Variants in ERCC2 observed in about 807,000 individuals in gnomAD.
ERCC2 encodes general transcription and DNA repair factor IIH helicase subunit XPD.
Under a neutral mutation model 99.4 loss-of-function variants are expected in ERCC2, and 90 were observed. That is an observed-to-expected ratio of 0.91 (90% confidence interval 0.76 to 1.08). The LOEUF (loss-of-function observed/expected upper bound fraction) is 1.08. Ranked by LOEUF, ERCC2 falls within the 50% of genes least tolerant of loss-of-function variation. The probability of loss-of-function intolerance (pLI) is 0.00; values close to 1 mark genes in which losing one functional copy is unlikely to be tolerated. For missense variants in ERCC2, 993 were observed against 1,038.1 expected (o/e 0.96, Z 0.60); for synonymous variants, 497 against 432.4 (o/e 1.15, Z -1.85).
chr19:45,353,955 A>C (rs1310260338), intron 17 of ERCC2, among the ~76,000 whole-genome samples: 1 of 152,214 alleles, frequency 6.6e-6, no homozygotes, highest in Non-Finnish European at 1.5e-5. Context: ...AGGTGTCTTA[A>C]GTAGGACACA....
intron 1 of ERCC2, 29 bp downstream of exon 1, chr19:45,370,507 G>T: frequency 1.9e-6 from 3 of 1,549,564 alleles, no homozygotes; most frequent in Non-Finnish European, 2.6e-6. Flanking sequence ...GCGCCCGCTA[G>T]CGAGCGCGAC....
chr19:45,357,907 C>A (rs1306012504), intron 12 of ERCC2: 1 of 616,122 alleles, frequency 1.6e-6, no homozygotes, highest in Non-Finnish European at 2.9e-6. Context: ...CGGGCCCACA[C>A]CTGTGCAAAC....
At position 45,364,908 on chromosome 19, in the gene ERCC2, T is replaced by C. The variant is rs1463343405; in HGVS notation, c.524A>G (p.Tyr175Cys). The change falls in exon 7 of 23, where the codon TAC (tyrosine) becomes TGC (cysteine). Residue 175 changes from tyrosine (Y) to cysteine (C), a missense_variant. Tyr to Cys is a radical substitution (Grantham distance 194, BLOSUM62 -2). This residue lies in a region of ERCC2 where 909 missense variants were observed against 930.8 expected (regional missense o/e 0.98). Transcript: ENST00000391945. ...CAGGGCCTTCAGGTCATCCAGGTTGTAGATGCCAGCGGGGAGGGGCACCTC... is the reference window on the plus strand; with the variant it reads ...CAGGGCCTTCAGGTCATCCAGGTTGCAGATGCCAGCGGGGAGGGGCACCTC... ...GREVPLPAGI[Y>C]NLDDLKALGR... 1 of 1,614,020 alleles carries C rather than the reference T, an allele frequency of 6.2e-7. No homozygotes were observed. The highest frequency in any genetic ancestry group is 8.5e-7 in the Non-Finnish European group (1 of 1,180,036).
At chr19:45,352,016 CCTGCTGG>C (rs924001103) in intron 22 of ERCC2, among the ~76,000 whole-genome samples, 186 bp downstream of exon 22, 1 of 152,230 alleles carries the variant, frequency 6.6e-6, no homozygotes, top group Non-Finnish European at 1.5e-5. Flanking sequence ...GCCTGGGCCA[CCTGCTGG>C]CATCTGTGGC....
At chr19:45,359,861 G>T (rs999555570) in intron 12 of ERCC2, among the ~76,000 whole-genome samples, 1 of 150,006 alleles carries the variant, frequency 6.7e-6, no homozygotes, top group Admixed American at 6.7e-5. Flanking sequence ...TGCAACCTCC[G>T]CCTCCCGGGT....
chr19:45,351,966 G>A (rs961119655), intron 22 of ERCC2, among the ~76,000 whole-genome samples: 23 of 152,182 alleles, frequency 1.5e-4, no homozygotes, highest in Admixed American at 9.2e-4. Context: ...TCCTGAAAAC[G>A]CCCAATGCCT....
At chr19:45,365,254 G>T in intron 5 of ERCC2, 96 bp from the exon 6 acceptor site, 1 of 914,666 alleles carries the variant, frequency 1.1e-6, no homozygotes, top group Non-Finnish European at 1.8e-6. Flanking sequence ...TGGGGTTTTG[G>T]ACAACTTGAA....
At position 45,369,160 on chromosome 19, in the gene ERCC2, GA is replaced by G; in HGVS notation, c.106-14del. 6.2e-7 allele frequency: 1 copy of G among 1,611,622 alleles called. No homozygotes were observed. The highest frequency in any genetic ancestry group is 8.5e-7 in the Non-Finnish European group (1 of 1,177,748). ...GGACTCCATGACCCTGCATGTTGGGGACCAGAGGGGCAACACACAGGGTCTC... is the reference window on the plus strand; with the variant it reads ...GGACTCCATGACCCTGCATGTTGGGGCCAGAGGGGCAACACACAGGGTCTC... On this transcript the variant is annotated splice_polypyrimidine_tract_variant and intron_variant, in intron 2 of 22. Transcript: ENST00000391945.
chr19:45,357,783 T>C (rs1021784739), intron 12 of ERCC2, 84 bp from the exon 13 acceptor site: 52 of 1,232,674 alleles, frequency 4.2e-5, no homozygotes, highest in Admixed American at 5.5e-5. Flanking sequence ...TCCTGCTCCC[T>C]CGCTTCACCC....
rs768222675 is a variant in ERCC2 at position 45,357,333 on chromosome 19, G to A, written c.1416C>T (p.Asp472=). 1.4e-5 allele frequency: 23 copies of A among 1,614,150 alleles called. 1 individual carries two copies. The South Asian group carries it at 2.4e-4, about 17-fold the overall frequency. The part of the protein sequence containing the change: ...SPLDIYPKIL[D]FHPVTMATFT... ...AGGTTGCCATGGTGACGGGGTGGAA[G>A]TCCAGGATCTTGGGGTAGATGTCCA... Residue 472 remains aspartate, a synonymous_variant, in exon 15 of 23, where the codon GAC becomes GAT. Coordinates refer to ENST00000391945, the MANE Select transcript of ERCC2 (RefSeq NM_000400.4).
chr19:45,364,278 G>A lies in ERCC2; in HGVS notation c.772C>T (p.Arg258Trp), dbSNP rs767916267. Residue 258 changes from arginine (R) to tryptophan (W), a missense_variant, in exon 9 of 23, where the codon CGG (arginine) becomes TGG (tryptophan). Arg to Trp is a moderately radical substitution (Grantham distance 101, BLOSUM62 -3). This residue lies in a region of ERCC2 where 909 missense variants were observed against 930.8 expected (regional missense o/e 0.98). Transcript: ENST00000391945. ...SVNLTRRTLD[R>W]CQGNLETLQK... Reference sequence around the variant, plus strand: ...AGGGTCTCCAGGTTGCCCTGGCACCGGTCAAGGGTCCGGCGGGTGAGGTTG... The same window carrying A: ...AGGGTCTCCAGGTTGCCCTGGCACCAGTCAAGGGTCCGGCGGGTGAGGTTG... The A allele has an allele frequency of 6.8e-6, 11 of 1,614,020 alleles. No individual in the cohort carries two copies. The highest frequency in any genetic ancestry group is 8.5e-6 in the Non-Finnish European group (10 of 1,179,990).
At position 45,350,281 on chromosome 19, in the gene ERCC2, A is replaced by C; in HGVS notation, c.*1348T>G. On this transcript the variant is annotated 3_prime_UTR_variant, in exon 23 of 23. Transcript: ENST00000391945. Reference sequence around the variant, plus strand: ...CTACAAAAAAAAAAAAAAAGGCGGGACTGGATGCAGTGTTGGGAACTGGGG... The same window carrying C: ...CTACAAAAAAAAAAAAAAAGGCGGGCCTGGATGCAGTGTTGGGAACTGGGG... 6.5e-6 allele frequency: 8 copies of C among 1,238,104 alleles called. No homozygotes were observed. The highest frequency in any genetic ancestry group is 1.5e-5 in the African/African-American group (1 of 65,302). 76.7% of individuals were successfully genotyped at this position (1,238,104 alleles called of 1,614,324 possible). A position where few individuals can be genotyped will look rare whatever the true frequency, so the allele number is the denominator to read the frequency against.
intron 12 of ERCC2, chr19:45,358,890 G>A (rs757397822): frequency 1.7e-5 from 13 of 780,778 alleles, no homozygotes; most frequent in Non-Finnish European, 2.9e-5. Flanking sequence ...GGTTCCTGCT[G>A]CTTCCACAGT....
At position 45,368,510 on chromosome 19, in the gene ERCC2, T is replaced by C. The variant is rs1326523907; in HGVS notation, c.360+120A>G. On this transcript the variant is annotated intron_variant, in intron 5 of 22. Transcript: ENST00000391945. ...AATTTGACCACTGAGACGGGAATTC[T>C]GTGTGTAGCCACTGCATGCCTTTGC... 4.1e-6 allele frequency: 3 copies of C among 739,944 alleles called. No homozygotes were observed. The African/African-American group carries it at 5.2e-5, about 13-fold the overall frequency. 45.8% of individuals were successfully genotyped at this position (739,944 alleles called of 1,614,324 possible). A position where few individuals can be genotyped will look rare whatever the true frequency, so the allele number is the denominator to read the frequency against.
chr19:45,354,032 A>AAGGCCGATGTCCTGGCTGT (rs932466121), intron 17 of ERCC2, among the ~76,000 whole-genome samples: 3 of 152,172 alleles, frequency 2.0e-5, no homozygotes, highest in African/African-American at 7.2e-5. Context: ...ATTGAAGCAC[A>AAGGCCGATGTCCTGGCTGT]AGGCCGATGT....
chr19:45,361,386 G>T, intron 12 of ERCC2, 138 bp downstream of exon 12: 1 of 741,466 alleles, frequency 1.3e-6, no homozygotes. Flanking sequence ...GCTCCCCACT[G>T]CCTTCAAAAT....
chr19:45,363,591 C>G, intron 11 of ERCC2, 152 bp downstream of exon 11: 1 of 919,656 alleles, frequency 1.1e-6, no homozygotes, highest in Non-Finnish European at 1.6e-6. Context: ...CCCGGACCTC[C>G]CAGGTCAGAC....
At position 45,350,126 on chromosome 19, in the gene ERCC2, A is replaced by C. The variant is rs1240814840; in HGVS notation, c.*1503T>G. 1 of 575,732 alleles carries C rather than the reference A, an allele frequency of 1.7e-6. No individual in the cohort carries two copies. The highest frequency in any genetic ancestry group is 3.1e-6 in the Non-Finnish European group (1 of 323,444). 35.7% of individuals were successfully genotyped at this position (575,732 alleles called of 1,614,324 possible). On this transcript the variant is annotated 3_prime_UTR_variant, in exon 23 of 23. Coordinates refer to ENST00000391945, the MANE Select transcript of ERCC2 (RefSeq NM_000400.4). ...AGGGGAAGGATACGGCCAGGTCAGC[A>C]CATTAGAAAGTGGGGCCAGACGTGG...
rs966937324 is a variant in ERCC2 at position 45,351,515 on chromosome 19, A to G, written c.*114T>C. 8 of 1,600,078 alleles carry G rather than the reference A, an allele frequency of 5.0e-6. No homozygotes were observed. The highest frequency in any genetic ancestry group is 6.8e-6 in the Non-Finnish European group (8 of 1,177,934). On this transcript the variant is annotated 3_prime_UTR_variant, in exon 23 of 23. Transcript: ENST00000391945. ...TGCGATTAAAGGCTGTGGACGTGAC[A>G]GTGAGAAATGTCACCTGACTTCATA... is the stretch of plus-strand genomic sequence containing the variant.
Sources: gnomAD v4.1 joint callset for allele counts (sites outside exome capture counted in the v4.1 genomes callset) on GRCh38, gnomAD v4.1.1 for gene constraint, gnomAD v4.1.1 regional missense constraint, MANE v1.5 for transcripts, NCBI Gene and HGNC (gene_info 2026-07-23, HGNC 2026-07-21) for gene names.